The following NCKAP1 variants were observed in gnomAD, a reference collection of about 807,000 sequenced individuals.
NCKAP1 encodes the protein NCK associated protein 1.
NCKAP1 carries 21 observed loss-of-function variants against 151.2 expected under a neutral mutation model. The ratio of observed to expected loss-of-function variants is 0.14; its 90% confidence interval spans 0.10 to 0.20. The LOEUF (loss-of-function observed/expected upper bound fraction) is 0.20, where lower values mean the gene tolerates loss of function less well. Among genes scored for constraint, NCKAP1 ranks in the 10% least tolerant of loss-of-function variants. The pLI, the probability that NCKAP1 is intolerant of heterozygous loss-of-function variation, is 1.00. For synonymous variants in NCKAP1, 484 were observed against 451.8 expected (o/e 1.07, Z -0.90); for missense variants, 933 against 1,352.1 (o/e 0.69, Z 4.86).
chr2:182,932,706 A>C (rs538717311), intron 26 of NCKAP1, among the ~76,000 whole-genome samples: 2 of 152,110 alleles, frequency 1.3e-5, no homozygotes, highest in South Asian at 4.2e-4. Flanking sequence ...AGTTTGCTGG[A>C]AACTAAACAT....
chr2:182,982,106 T>C (rs1042492846), intron 12 of NCKAP1, among the ~76,000 whole-genome samples: 2 of 151,888 alleles, frequency 1.3e-5, no homozygotes, highest in African/African-American at 4.8e-5. Context: ...ACACACTGAG[T>C]TGCAACTCTA....
In NCKAP1 at chr2:183,023,878, G is replaced by C. The variant is rs371264559; in HGVS notation, c.147C>G (p.Ile49Met). Reference protein sequence around the residue: ...GDPKAKPSYLIDKNLESAVKF... With the variant: ...GDPKAKPSYLMDKNLESAVKF... ...TCACAGCAGATTCCAGGTTTTTGTC[G>C]ATAAGATAGGATGGTTTTGCCTTGG... The change falls in exon 2 of 31, where the codon ATC becomes ATG. Residue 49 changes from isoleucine (I) to methionine (M), a missense_variant. Physicochemically the swap from Ile to Met is conservative, Grantham distance 10. Transcript: ENST00000361354. 1.2e-6 allele frequency: 2 copies of C among 1,613,038 alleles called. No homozygotes were observed. The highest frequency in any genetic ancestry group is 1.1e-5 in the South Asian group (1 of 90,960).
chr2:182,986,051 A>C, intron 10 of NCKAP1, 120 bp downstream of exon 10: 1 of 849,910 alleles, frequency 1.2e-6, no homozygotes, highest in Admixed American at 2.7e-5. Flanking sequence ...TCATTGACTG[A>C]AAGTCCCCCT....
At chr2:182,962,024 T>A in intron 18 of NCKAP1, 135 bp downstream of exon 18, 1 of 844,280 alleles carries the variant, frequency 1.2e-6, no homozygotes, top group Non-Finnish European at 1.8e-6. Flanking sequence ...GTTAATGGAG[T>A]TTCACAGCAG....
chr2:183,003,696 C>CA (rs1016602412), intron 2 of NCKAP1, among the ~76,000 whole-genome samples: 3 of 151,754 alleles, frequency 2.0e-5, no homozygotes, highest in East Asian at 1.9e-4. Flanking sequence ...ACTCACACTA[C>CA]AAAAAAACAA....
intron 2 of NCKAP1, among the ~76,000 whole-genome samples, chr2:183,018,220 C>G (rs1698731704): frequency 6.6e-6 from 1 of 152,090 alleles, no homozygotes; most frequent in African/African-American, 2.4e-5. Context: ...GCACTCCAGC[C>G]TGGGCAACAG....
intron 1 of NCKAP1, among the ~76,000 whole-genome samples, chr2:183,037,578 C>T (rs1002828334): frequency 6.6e-6 from 1 of 152,218 alleles, no homozygotes; most frequent in African/African-American, 2.4e-5. Flanking sequence ...TTCACTGCTG[C>T]CATCTCCGTA....
chr2:182,929,777 AC>A lies in NCKAP1; in HGVS notation c.2954-879del, dbSNP rs1341463624. ...ATTGTTAAATGAAAAAAAAAAAAAA[AC>A]TGATGAACTCAAACACCATGCTGCT... On this transcript the variant is annotated intron_variant, in intron 27 of 30. Transcript: ENST00000361354. Among the ~76,000 whole-genome samples, 73 of 148,928 alleles carry A rather than the reference AC, an allele frequency of 4.9e-4. 1 individual carries two copies. The highest frequency in any genetic ancestry group is 1.7e-3 in the African/African-American group (69 of 39,796).
At chr2:182,948,945 AAAC>A (rs1350308004) in intron 23 of NCKAP1, among the ~76,000 whole-genome samples, 1 of 152,228 alleles carries the variant, frequency 6.6e-6, no homozygotes, top group Non-Finnish European at 1.5e-5. Flanking sequence ...ACAACAAAAA[AAAC>A]AGAGTTTGTA....
intron 8 of NCKAP1, among the ~76,000 whole-genome samples, chr2:182,993,656 T>C (rs577345642): frequency 6.6e-6 from 1 of 152,076 alleles, no homozygotes; most frequent in East Asian, 1.9e-4. Flanking sequence ...TTCTTACTTA[T>C]AAGGGGAGCT....
chr2:182,948,680 T>C (rs1278758756), intron 23 of NCKAP1, among the ~76,000 whole-genome samples: 3 of 152,156 alleles, frequency 2.0e-5, no homozygotes, highest in Admixed American at 6.5e-5. Flanking sequence ...CTACAAAGCA[T>C]ACACTCAGGT....
Position 182,962,297 on chromosome 2 carries a change from A to C in NCKAP1, c.1762-19T>G. On this transcript the variant is annotated intron_variant, in intron 17 of 30. Transcript: ENST00000361354. ...GATGTCGCTGTGAAGGCAGAATAATAATAATAATACAAGTTATAAAGAAAG... is the reference window on the plus strand; with the variant it reads ...GATGTCGCTGTGAAGGCAGAATAATCATAATAATACAAGTTATAAAGAAAG... 1 of 1,572,846 alleles carries C rather than the reference A, an allele frequency of 6.4e-7. No homozygotes were observed. Among genetic ancestry groups the C allele is most frequent in the Non-Finnish European group, 8.7e-7 (1 of 1,150,916 alleles).
At chr2:182,976,556 T>C (rs1420092661) in intron 15 of NCKAP1, among the ~76,000 whole-genome samples, 1 of 152,234 alleles carries the variant, frequency 6.6e-6, no homozygotes, top group Admixed American at 6.5e-5. Context: ...AAAAGTTTGC[T>C]GATGCCCACA....
At chr2:182,978,617 C>A (rs1471989783) in intron 14 of NCKAP1, among the ~76,000 whole-genome samples, 6 of 151,962 alleles carry the variant, frequency 3.9e-5, no homozygotes. Flanking sequence ...TTACAAAATG[C>A]TTTTTTTCCT....
intron 8 of NCKAP1, among the ~76,000 whole-genome samples, chr2:182,993,348 C>T (rs1698204598): frequency 6.6e-6 from 1 of 152,044 alleles, no homozygotes. Flanking sequence ...ATGCAGAACC[C>T]CAGGATATAA....
rs111993802 is a variant in NCKAP1 at position 182,952,426 on chromosome 2, T to A, written c.2580A>T (p.Ser860=). ...FLSESLMWHI[S]SQVAELKKLV... is the part of the protein sequence containing the mutation. ...TTACCTTAAGTTCAGCAACTTGTGATGAAATATGCCACATAAGGCTTTCAC... is the reference window on the plus strand; with the variant it reads ...TTACCTTAAGTTCAGCAACTTGTGAAGAAATATGCCACATAAGGCTTTCAC... Residue 860 remains serine (S), a synonymous_variant, in exon 23 of 31, where the codon TCA becomes TCT. Coordinates refer to ENST00000361354, the MANE Select transcript of NCKAP1 (RefSeq NM_013436.5). 4.4e-6 allele frequency: 7 copies of A among 1,607,864 alleles called. No individual in the cohort carries two copies. The highest frequency in any genetic ancestry group is 5.9e-6 in the Non-Finnish European group (7 of 1,176,982).
At chr2:182,959,671 C>G (rs898081289) in intron 18 of NCKAP1, among the ~76,000 whole-genome samples, 3 of 152,180 alleles carry the variant, frequency 2.0e-5, no homozygotes, top group Non-Finnish European at 4.4e-5. Flanking sequence ...CCTTTGAAAA[C>G]CAGCACAAGA....
chr2:183,034,035 G>C (rs1326142259), intron 1 of NCKAP1, among the ~76,000 whole-genome samples: 2 of 152,004 alleles, frequency 1.3e-5, no homozygotes, highest in African/African-American at 4.8e-5. Context: ...AGCATCTCTG[G>C]AACACGCTTC....
At chr2:182,931,920 G>A (rs1427002717) in intron 26 of NCKAP1, among the ~76,000 whole-genome samples, 1 of 151,948 alleles carries the variant, frequency 6.6e-6, no homozygotes, top group Non-Finnish European at 1.5e-5. Flanking sequence ...TATAAACAAT[G>A]AGATGCCACT....
Sources: allele counts gnomAD v4.1 joint callset (sites outside exome capture counted in the v4.1 genomes callset), GRCh38; gene constraint gnomAD v4.1.1; transcripts MANE v1.5; gene names NCBI Gene and HGNC (gene_info 2026-07-23, HGNC 2026-07-21).